Variants in ACOX3 observed in about 807,000 individuals in gnomAD.
The protein encoded by ACOX3 is peroxisomal acyl-coenzyme A oxidase 3.
Under a neutral mutation model 81.5 loss-of-function variants are expected in ACOX3, and 73 were observed. That is an observed-to-expected ratio of 0.90 (90% CI 0.74 to 1.09). ACOX3 has a LOEUF of 1.09. Among genes scored for constraint, ACOX3 ranks in the 50% least tolerant of loss-of-function variants. The probability of loss-of-function intolerance (pLI) is 0.00; values close to 1 mark genes in which losing one functional copy is unlikely to be tolerated. For synonymous variants in ACOX3, 387 were observed against 375.1 expected, an observed-to-expected ratio of 1.03 and a Z score of -0.37; for missense variants, 947 against 928.0, an observed-to-expected ratio of 1.02 and a Z score of -0.27.
chr4:8,388,918 G>C (rs1401953621), intron 13 of ACOX3, among the ~76,000 whole-genome samples: 1 of 152,184 alleles, frequency 6.6e-6, no homozygotes, highest in Non-Finnish European at 1.5e-5. Context: ...CTATGGGAGG[G>C]AAAGGCAAGA....
At chr4:8,364,427 G>A (rs1481285264), downstream of ACOX3, among the ~76,000 whole-genome samples, 1 of 152,228 alleles carries the variant, frequency 6.6e-6, no homozygotes, top group Non-Finnish European at 1.5e-5. This position sits in a 1 kb window ranked among gnomAD's most constrained non-coding sequence, Gnocchi z 5.0. Flanking sequence ...CCAACAGGTG[G>A]ATATGAAAAT....
At chr4:8,391,681 C>T (rs1233227855) in intron 11 of ACOX3, among the ~76,000 whole-genome samples, 2 of 152,182 alleles carry the variant, frequency 1.3e-5, no homozygotes, top group African/African-American at 2.4e-5. Flanking sequence ...TGGCAAGAAC[C>T]TATGTTGTGG....
rs1328025896 is a variant in ACOX3 at position 8,385,222 on chromosome 4, A to ACTG, written c.1538-3618_1538-3616dup. ...GAGCACTGTCTGCACCACGAACCCC[A>ACTG]CTGCTCACCTCATATGACCCCACTG... On this transcript the variant is annotated intron_variant, in intron 13 of 17. Transcript: ENST00000356406. The surrounding 1 kb of genome is among the most constrained non-coding windows in gnomAD (Gnocchi z 5.5). Among the ~76,000 whole-genome samples the ACTG allele has an allele frequency of 6.6e-5, 10 of 152,046 alleles. No homozygotes were observed. The highest frequency in any genetic ancestry group is 1.3e-4 in the Non-Finnish European group (9 of 67,990).
At chr4:8,372,430 C>T (rs1290455242) in intron 16 of ACOX3, among the ~76,000 whole-genome samples, 2 of 152,112 alleles carry the variant, frequency 1.3e-5, no homozygotes, top group African/African-American at 4.8e-5. Flanking sequence ...CCCCGCTATG[C>T]CCCCCTCTCT....
chr4:8,357,071 C>T, the ACOX3 span: 133 of 453,520 alleles, frequency 2.9e-4, 1 homozygote, highest in South Asian at 1.7e-3. Flanking sequence ...GAACGGTGCA[C>T]GCTTACATGA....
In ACOX3 at chr4:8,399,444, T is replaced by C; in HGVS notation, c.873+112A>G. The C allele has an allele frequency of 2.2e-6, 2 of 910,210 alleles. No individual in the cohort carries two copies. The highest frequency in any genetic ancestry group is 1.7e-5 in the African/African-American group (1 of 59,756). The allele number at this position is 910,210 out of a possible 1,614,324, so 56.4% of individuals were successfully genotyped here. A position where few individuals can be genotyped will look rare whatever the true frequency, so the allele number is the denominator to read the frequency against. ...AGGAGAAGTATGCCCCAGCGACACCTGGCCTACGTGGAGGGGTCTCCTTTC... is the reference window on the plus strand; with the variant it reads ...AGGAGAAGTATGCCCCAGCGACACCCGGCCTACGTGGAGGGGTCTCCTTTC... On this transcript the variant is annotated intron_variant, in intron 8 of 17. Coordinates refer to ENST00000356406, the MANE Select transcript of ACOX3 (RefSeq NM_003501.3). This position sits in a 1 kb window ranked among gnomAD's most constrained non-coding sequence, Gnocchi z 4.9.
chr4:8,366,760 GCGATCCC>G lies in ACOX3; in HGVS notation c.*194_*200del. The G allele has an allele frequency of 3.6e-6, 2 of 550,978 alleles. No individual in the cohort carries two copies. The highest frequency in any genetic ancestry group is 6.2e-6 in the Non-Finnish European group (2 of 322,400). The allele number at this position is 550,978 out of a possible 1,614,324, so 34.1% of individuals were successfully genotyped here. A position where few individuals can be genotyped will look rare whatever the true frequency, so the allele number is the denominator to read the frequency against. Reference sequence around the variant, plus strand: ...TTTCTTTTCCACGCTGCAAATCACCGCGATCCCAGATTAGTCCAGCCGGCCGGGTGCC... The same window carrying G: ...TTTCTTTTCCACGCTGCAAATCACCGAGATTAGTCCAGCCGGCCGGGTGCC... On this transcript the variant is annotated 3_prime_UTR_variant, in exon 18 of 18. Coordinates refer to ENST00000356406, the MANE Select transcript of ACOX3 (RefSeq NM_003501.3).
In ACOX3 at chr4:8,394,753, C is replaced by T. The variant is rs1005793014; in HGVS notation, c.1057-11G>A. On this transcript the variant is annotated splice_polypyrimidine_tract_variant and intron_variant, in intron 9 of 17. Transcript: ENST00000356406. The surrounding 1 kb of genome is among the most constrained non-coding windows in gnomAD (Gnocchi z 5.9). ...AAGCAAGCGCCATTGCTAGAACAGACAAGACACCTGCGTGAACACATCGTG... is the reference window on the plus strand; with the variant it reads ...AAGCAAGCGCCATTGCTAGAACAGATAAGACACCTGCGTGAACACATCGTG... 2.5e-6 allele frequency: 4 copies of T among 1,611,620 alleles called. No individual in the cohort carries two copies. Among genetic ancestry groups the T allele is most frequent in the Admixed American group, 1.7e-5 (1 of 59,870 alleles).
intron 1 of ACOX3, among the ~76,000 whole-genome samples, chr4:8,417,388 G>A (rs1722451627): frequency 6.6e-6 from 1 of 152,200 alleles, no homozygotes; most frequent in Admixed American, 6.5e-5. Context: ...GGAGGTGGGA[G>A]CCGCAGGTCT....
rs1043707635 is a variant in ACOX3, at chr4:8,381,298, G to C, written c.1653+194C>G. On this transcript the variant is annotated intron_variant, in intron 14 of 17. Coordinates refer to ENST00000356406, the MANE Select transcript of ACOX3 (RefSeq NM_003501.3). The surrounding 1 kb of genome is among the most constrained non-coding windows in gnomAD (Gnocchi z 4.3). ...TAACATCCATGACCTCCCCAGCCCA[G>C]CAAGACAGGTGCTGCCATCCCTGTG... 1.3e-5 allele frequency among the ~76,000 whole-genome samples: 2 copies of C among 152,210 alleles called. No individual in the cohort carries two copies. The highest frequency in any genetic ancestry group is 2.4e-5 in the African/African-American group (1 of 41,448).
Position 8,415,858 on chromosome 4 carries a change from T to C in ACOX3, c.286A>G (p.Met96Val). 1 of 1,614,188 alleles carries C rather than the reference T, an allele frequency of 6.2e-7. No individual in the cohort carries two copies. Among genetic ancestry groups the C allele is most frequent in the Non-Finnish European group, 8.5e-7 (1 of 1,180,038 alleles). ...FEYDFLSVEDMFKSPLKVPAL... is the reference protein window; with the variant it reads ...FEYDFLSVEDVFKSPLKVPAL... ...GGGACCTTCAGAGGGCTCTTGAACA[T>C]GTCTTCGACACTGAGGAAGTCATAC... The change falls in exon 3 of 18, where the codon ATG becomes GTG. Residue 96 changes from methionine (M) to valine (V), a missense_variant. By Grantham distance (21) the Met-to-Val change is conservative (BLOSUM62 1). Transcript: ENST00000356406.
At position 8,419,202 on chromosome 4, in the gene ACOX3, C is replaced by T. The variant is rs927552942; in HGVS notation, c.-14-2667G>A. Among the ~76,000 whole-genome samples, 2 of 151,818 alleles carry T rather than the reference C, an allele frequency of 1.3e-5. No homozygotes were observed. Among genetic ancestry groups the T allele is most frequent in the South Asian group, 2.1e-4 (1 of 4,804 alleles). Reference sequence around the variant, plus strand: ...TGTAATCCCAGCACTTTGGGAGGCCCAGACAGGTGGATCATGAGGTCAGGA... The same window carrying T: ...TGTAATCCCAGCACTTTGGGAGGCCTAGACAGGTGGATCATGAGGTCAGGA... On this transcript the variant is annotated intron_variant, in intron 1 of 17. Coordinates refer to ENST00000356406, the MANE Select transcript of ACOX3 (RefSeq NM_003501.3). The surrounding 1 kb of genome is among the most constrained non-coding windows in gnomAD (Gnocchi z 4.2).
In ACOX3 at chr4:8,369,247, G is replaced by A. The variant is rs952128549; in HGVS notation, c.1983+1661C>T. On this transcript the variant is annotated intron_variant, in intron 17 of 17. Transcript: ENST00000356406. ...GCGGGTCTGGCTCCAGTGTCCCTTC[G>A]AATGCCTGTCTGCCTGGTGAGCCCC... 3.3e-5 allele frequency among the ~76,000 whole-genome samples: 5 copies of A among 152,224 alleles called. 1 individual carries two copies. Among genetic ancestry groups the A allele is most frequent in the Non-Finnish European group, 7.4e-5 (5 of 67,996 alleles).
At chr4:8,355,482 G>A in the ACOX3 span, 1 of 152,228 alleles carries the variant, frequency 6.6e-6, no homozygotes, top group Non-Finnish European at 1.5e-5. Flanking sequence ...TTCGGTCAGT[G>A]CATGATGATT....
At chr4:8,433,040 G>C (rs1387519387) in intron 1 of ACOX3, among the ~76,000 whole-genome samples, 4 of 152,226 alleles carry the variant, frequency 2.6e-5, no homozygotes, top group African/African-American at 9.7e-5. Context: ...AAGTCCTACA[G>C]GACAGTGCTA....
chr4:8,395,374 G>GGGTGGATGCGTGGACAGGTA, intron 9 of ACOX3, among the ~76,000 whole-genome samples: 1 of 145,590 alleles, frequency 6.9e-6, no homozygotes, highest in African/African-American at 2.5e-5. Context: ...GTGGACAGGT[G>GGGTGGATGCGTGGACAGGTA]GGGGGATGCG....
At chr4:8,378,902 C>A (rs1717302825) in intron 14 of ACOX3, among the ~76,000 whole-genome samples, 1 of 152,144 alleles carries the variant, frequency 6.6e-6, no homozygotes, top group African/African-American at 2.4e-5. Flanking sequence ...AGCCATCACC[C>A]TCTCCATGAA....
rs200566318 is a variant in ACOX3 at position 8,397,096 on chromosome 4, C to T, written c.897G>A (p.Ala299=). The change falls in exon 9 of 18, where the codon GCG becomes GCA. Residue 299 remains alanine (A), a synonymous_variant. Coordinates refer to ENST00000356406, the MANE Select transcript of ACOX3 (RefSeq NM_003501.3). ...GGCCCGAGGACAGGCTCCCCAGGGA[C>T]GCTCCAAAGCGCTGCCTGACGTCCT... ...PFKDVRQRFG[A]SLGSLSSGRV... is the part of the protein sequence containing the mutation. 102 of 1,565,178 alleles carry T rather than the reference C, an allele frequency of 6.5e-5. No individual in the cohort carries two copies. The highest frequency in any genetic ancestry group is 1.2e-4 in the East Asian group (5 of 42,870).
At chr4:8,369,119 G>A (rs983294635) in intron 17 of ACOX3, among the ~76,000 whole-genome samples, 18 of 152,132 alleles carry the variant, frequency 1.2e-4, no homozygotes, top group African/African-American at 3.9e-4. Flanking sequence ...CCTCAGAGAC[G>A]GGCCTGCCTC....
Sources: gnomAD v4.1 joint callset for allele counts (sites outside exome capture counted in the v4.1 genomes callset) on GRCh38, gnomAD v4.1.1 for gene constraint, Gnocchi (gnomAD v3.1) non-coding constraint, MANE v1.5 for transcripts, NCBI Gene and HGNC (gene_info 2026-07-23, HGNC 2026-07-21) for gene names.